PARN: variants seen among roughly 807,000 people sequenced by gnomAD.
The protein encoded by PARN is poly(A)-specific ribonuclease.
PARN carries 71 observed loss-of-function variants against 102.8 expected under a neutral mutation model. The ratio of observed to expected loss-of-function variants is 0.69; its 90% CI spans 0.57 to 0.84. The LOEUF (loss-of-function observed/expected upper bound fraction) is 0.84. Among genes scored for constraint, PARN ranks in the 40% least tolerant of loss-of-function variants. PARN has a pLI of 0.00. For synonymous variants in PARN, 261 were observed against 252.9 expected (o/e 1.03, Z -0.30); for missense variants, 782 against 760.9 (o/e 1.03, Z -0.33).
chr16:14,619,326 A>G (rs775904841), intron 5 of PARN, among the ~76,000 whole-genome samples: 4 of 152,102 alleles, frequency 2.6e-5, no homozygotes, highest in African/African-American at 4.8e-5. Flanking sequence ...TGGGCTGGAC[A>G]TGGTGGCTCA....
chr16:14,567,163 G>C (rs1968484019), intron 18 of PARN, among the ~76,000 whole-genome samples: 1 of 152,190 alleles, frequency 6.6e-6, no homozygotes, highest in African/African-American at 2.4e-5. Flanking sequence ...ACAAGACTTT[G>C]AGGAAAAATA....
At chr16:14,479,304 C>A (rs1477384060) in intron 22 of PARN, among the ~76,000 whole-genome samples, 1 of 151,796 alleles carries the variant, frequency 6.6e-6, no homozygotes, top group African/African-American at 2.4e-5. Flanking sequence ...TGGCTGTAGT[C>A]CCAGCTATTT....
intron 21 of PARN, among the ~76,000 whole-genome samples, chr16:14,514,518 C>A (rs1965361251): frequency 3.9e-5 from 6 of 152,158 alleles, no homozygotes; most frequent in Admixed American, 3.9e-4. Flanking sequence ...GAAGGCACAA[C>A]ATCATTAAGA....
intron 12 of PARN, among the ~76,000 whole-genome samples, chr16:14,594,212 G>A (rs568725561): frequency 3.7e-4 from 57 of 152,030 alleles, no homozygotes; most frequent in Non-Finnish European, 7.2e-4. Context: ...AATTCATGGG[G>A]CATGTTCTTA....
chr16:14,610,988 G>T (rs966424630), intron 6 of PARN, among the ~76,000 whole-genome samples, 179 bp from the exon 7 acceptor site: 1 of 152,188 alleles, frequency 6.6e-6, no homozygotes, highest in African/African-American at 2.4e-5. Flanking sequence ...CATTCATTCA[G>T]TCTTCTTTCA....
At chr16:14,574,776 T>C (rs962950756) in intron 18 of PARN, among the ~76,000 whole-genome samples, 2 of 152,000 alleles carry the variant, frequency 1.3e-5, no homozygotes, top group Non-Finnish European at 2.9e-5. Flanking sequence ...GAAATTTGCG[T>C]AAGTAATGAG....
chr16:14,482,665 A>T lies in PARN; in HGVS notation c.1643T>A (p.Leu548Gln). ...ATTGTTGCGGTAATAGTGATTCTGC[A>T]GGGTGTAGGGTATGCACTGGGGGTT... ...RLNPQCIPYT[L>Q]QNHYYRNNSF... is the part of the protein sequence containing the mutation. Residue 548 changes from leucine to glutamine, a missense_variant, in exon 22 of 24, where the codon CTG becomes CAG. Physicochemically the swap from Leu to Gln is moderately radical, Grantham distance 113. Transcript: ENST00000437198. 6.2e-7 allele frequency: 1 copy of T among 1,607,074 alleles called. No homozygotes were observed. The highest frequency in any genetic ancestry group is 1.1e-5 in the South Asian group (1 of 89,438).
At chr16:14,536,570 G>C (rs1309154319) in intron 21 of PARN, among the ~76,000 whole-genome samples, 1 of 152,140 alleles carries the variant, frequency 6.6e-6, no homozygotes, top group Non-Finnish European at 1.5e-5. Context: ...GTGCGATCTT[G>C]ATCCTGCAGA....
chr16:14,519,497 A>C (rs1965630320), intron 21 of PARN, among the ~76,000 whole-genome samples: 1 of 152,144 alleles, frequency 6.6e-6, no homozygotes, highest in Non-Finnish European at 1.5e-5. Flanking sequence ...AGCTCTTTGT[A>C]GAAGTGCTGA....
intron 18 of PARN, among the ~76,000 whole-genome samples, chr16:14,557,108 AGAT>A (rs1967739519): frequency 6.6e-6 from 1 of 152,190 alleles, no homozygotes; most frequent in South Asian, 2.1e-4. Context: ...GTTGTGTGTA[AGAT>A]TATTTTAATG....
At chr16:14,579,591 C>A (rs1969378845) in intron 18 of PARN, among the ~76,000 whole-genome samples, 1 of 151,946 alleles carries the variant, frequency 6.6e-6, no homozygotes, top group African/African-American at 2.4e-5. Flanking sequence ...AATAATAATA[C>A]AAATGAGTCA....
At chr16:14,502,600 A>G (rs1445615666) in intron 21 of PARN, among the ~76,000 whole-genome samples, 1 of 152,206 alleles carries the variant, frequency 6.6e-6, no homozygotes, top group Non-Finnish European at 1.5e-5. Flanking sequence ...CCAGTCTCAC[A>G]CCCTAAAAAA....
intron 22 of PARN, among the ~76,000 whole-genome samples, chr16:14,467,476 C>T (rs1260834784): frequency 1.3e-5 from 2 of 152,158 alleles, no homozygotes; most frequent in Admixed American, 1.3e-4. Flanking sequence ...CATTAATTTA[C>T]GAAGATGAAC....
At chr16:14,451,869 C>CAAAAAAAAAAA (rs869041563) in intron 22 of PARN, among the ~76,000 whole-genome samples, 53 of 52,490 alleles carry the variant, frequency 1.0e-3, no homozygotes, top group African/African-American at 1.1e-3. Flanking sequence ...AAAAAAAATA[C>CAAAAAAAAAAA]AAAAAAAAAA....
chr16:14,526,316 A>G (rs1965999879), intron 21 of PARN, among the ~76,000 whole-genome samples: 1 of 151,662 alleles, frequency 6.6e-6, no homozygotes, highest in Non-Finnish European at 1.5e-5. Flanking sequence ...AGCTGGGACT[A>G]CAGGTGCCTG....
At chr16:14,483,337 A>C (rs1295057617) in intron 21 of PARN, among the ~76,000 whole-genome samples, 1 of 152,310 alleles carries the variant, frequency 6.6e-6, no homozygotes, top group East Asian at 1.9e-4. Flanking sequence ...CATTATATCT[A>C]ATCTTCATAG....
chr16:14,622,143 A>G (rs1972345806), intron 5 of PARN, among the ~76,000 whole-genome samples: 1 of 152,144 alleles, frequency 6.6e-6, no homozygotes, highest in African/African-American at 2.4e-5. Flanking sequence ...CAGTGAGCCA[A>G]GATAGTGCCA....
At chr16:14,618,826 GTTA>G (rs1972102293) in intron 5 of PARN, among the ~76,000 whole-genome samples, 1 of 152,094 alleles carries the variant, frequency 6.6e-6, no homozygotes, top group Non-Finnish European at 1.5e-5. Flanking sequence ...ACATGCACAG[GTTA>G]TAAGACACTG....
chr16:14,564,084 G>A (rs1336401590), intron 18 of PARN, among the ~76,000 whole-genome samples: 3 of 152,084 alleles, frequency 2.0e-5, no homozygotes, highest in African/African-American at 4.8e-5. Flanking sequence ...CCCTACACAC[G>A]CAGGCCCTGT....
Sources: allele counts gnomAD v4.1 joint callset (sites outside exome capture counted in the v4.1 genomes callset), GRCh38; gene constraint gnomAD v4.1.1; transcripts MANE v1.5; gene names NCBI Gene and HGNC (gene_info 2026-07-23, HGNC 2026-07-21).